The following MYH10 variants were observed in gnomAD, a reference collection of about 807,000 sequenced individuals.
MYH10 encodes the protein myosin-10.
In MYH10, 55 loss-of-function variants were observed where a neutral mutation model predicts 257.8. The observed-to-expected ratio is 0.21, with a 90% CI of 0.17 to 0.27. The LOEUF is 0.27. Among genes scored for constraint, MYH10 ranks in the 10% least tolerant of loss-of-function variants. The pLI, the probability that MYH10 is intolerant of heterozygous loss-of-function variation, is 1.00. For missense variants in MYH10, 1,631 were observed against 2,500.6 expected, an observed-to-expected ratio of 0.65 and a Z score of 7.42; for synonymous variants, 854 against 921.7, an observed-to-expected ratio of 0.93 and a Z score of 1.33.
chr17:8,495,778 G>A (rs1180637383), intron 30 of MYH10, among the ~76,000 whole-genome samples: 1 of 151,170 alleles, frequency 6.6e-6, no homozygotes, highest in Non-Finnish European at 1.5e-5. Context: ...GGTGCAATCT[G>A]GGCTCACTGC....
chr17:8,581,240 C>T (rs2083693415), intron 4 of MYH10, among the ~76,000 whole-genome samples: 1 of 152,150 alleles, frequency 6.6e-6, no homozygotes. Flanking sequence ...ATAGCTATGA[C>T]AGTGGTCTCT....
In MYH10 at chr17:8,501,107, T is replaced by C. The variant is rs530540692; in HGVS notation, c.3600-137A>G. ...TAAATACTTGATGTGCTATTTCCAG[T>C]AGGCTGGCAGGTCTATTACTGTGAT... On this transcript the variant is annotated intron_variant, in intron 28 of 42. Transcript: ENST00000360416. The C allele has an allele frequency of 3.4e-5, 32 of 949,792 alleles. No individual in the cohort carries two copies. The East Asian group carries it at 8.1e-4, about 24-fold the overall frequency. The allele number at this position is 949,792 out of a possible 1,614,324, so 58.8% of individuals were successfully genotyped here.
intron 6 of MYH10, among the ~76,000 whole-genome samples, chr17:8,574,417 T>C (rs764062549): frequency 1.1e-4 from 16 of 152,180 alleles, no homozygotes; most frequent in Non-Finnish European, 1.3e-4. Flanking sequence ...GGAGTTTCTT[T>C]TGGGGTGAGG....
intron 30 of MYH10, 76 bp from the exon 31 acceptor site, chr17:8,495,317 G>A: frequency 2.2e-6 from 2 of 910,518 alleles, no homozygotes; most frequent in Non-Finnish European, 3.5e-6. Context: ...CTTTTAAACA[G>A]AACACAGAGA....
intron 3 of MYH10, among the ~76,000 whole-genome samples, chr17:8,601,096 T>C (rs2084573237): frequency 6.6e-6 from 1 of 152,192 alleles, no homozygotes; most frequent in Non-Finnish European, 1.5e-5. Flanking sequence ...CCTAAAAAAG[T>C]GGCCCCTGCA....
chr17:8,615,699 T>C (rs1183858862), intron 2 of MYH10, among the ~76,000 whole-genome samples: 3 of 152,184 alleles, frequency 2.0e-5, no homozygotes, highest in Admixed American at 1.3e-4. Flanking sequence ...TATCATCTCA[T>C]TGAATAATGG....
chr17:8,596,753 C>A (rs768439934), intron 3 of MYH10, among the ~76,000 whole-genome samples: 53 of 151,938 alleles, frequency 3.5e-4, no homozygotes, highest in Non-Finnish European at 2.8e-4. Flanking sequence ...AAGGTGGCTG[C>A]TTGCCATTTC....
rs1185601857 is a variant in MYH10, at chr17:8,493,901, A to T, written c.4057-16T>A. 1.4e-4 allele frequency: 210 copies of T among 1,537,360 alleles called. No individual in the cohort carries two copies. The highest frequency in any genetic ancestry group is 3.0e-4 in the East Asian group (13 of 42,966). ...GAAGAAGCTCCTGTGTTTTTTTTTT[A>T]AAGGGCAACACTTCCATTACATTTA... On this transcript the variant is annotated splice_polypyrimidine_tract_variant and intron_variant, in intron 31 of 42. Transcript: ENST00000360416.
intron 2 of MYH10, among the ~76,000 whole-genome samples, chr17:8,621,458 C>G (rs145186770): frequency 6.6e-6 from 1 of 152,114 alleles, no homozygotes; most frequent in East Asian, 1.9e-4. Context: ...CAAAGCCCCC[C>G]ACACTCACAG....
At chr17:8,485,806 C>T (rs1039434584) in intron 36 of MYH10, among the ~76,000 whole-genome samples, 1 of 152,100 alleles carries the variant, frequency 6.6e-6, no homozygotes, top group Non-Finnish European at 1.5e-5. Flanking sequence ...ACCATATAAC[C>T]CAGCTCAATT....
Position 8,535,641 on chromosome 17 carries a change from TA to T in MYH10, c.1779+116del. Reference sequence around the variant, plus strand: ...TGTCTGAAAGACAATATGTTTGTAATATATACTGTATTTGTTTATAAATGTT... The same window carrying T: ...TGTCTGAAAGACAATATGTTTGTAATTATACTGTATTTGTTTATAAATGTT... On this transcript the variant is annotated intron_variant, in intron 15 of 42. Transcript: ENST00000360416. This position sits in a 1 kb window ranked among gnomAD's most constrained non-coding sequence, Gnocchi z 4.3. 8.1e-7 allele frequency: 1 copy of T among 1,238,034 alleles called. No homozygotes were observed. The highest frequency in any genetic ancestry group is 1.1e-6 in the Non-Finnish European group (1 of 879,390). The allele number at this position is 1,238,034 out of a possible 1,614,324, so 76.7% of individuals were successfully genotyped here.
At chr17:8,616,374 C>CTAAACTA in intron 2 of MYH10, among the ~76,000 whole-genome samples, 1 of 151,940 alleles carries the variant, frequency 6.6e-6, no homozygotes, top group South Asian at 2.1e-4. Context: ...GAATTTTCGG[C>CTAAACTA]TAAACTATAA....
chr17:8,583,537 T>C (rs1372670616), intron 4 of MYH10, among the ~76,000 whole-genome samples: 1 of 152,180 alleles, frequency 6.6e-6, no homozygotes, highest in Non-Finnish European at 1.5e-5. Context: ...GCTGACAATC[T>C]GATCCAGAAT....
At chr17:8,560,467 C>T (rs2082952139) in intron 7 of MYH10, 2 of 452,096 alleles carry the variant, frequency 4.4e-6, no homozygotes, top group Non-Finnish European at 8.4e-6. Context: ...CTGCCTCTAG[C>T]CATGGTCAAC....
chr17:8,603,607 A>G (rs888241343), intron 3 of MYH10, among the ~76,000 whole-genome samples: 2 of 152,142 alleles, frequency 1.3e-5, no homozygotes, highest in African/African-American at 4.8e-5. Context: ...CATATGGCAC[A>G]GTTTGCTCAC....
Position 8,553,220 on chromosome 17 carries a change from T to G in MYH10, c.820+735A>C, listed in dbSNP as rs570369440. ...TTCATTCTCCTGTCATTTTCAAGTA[T>G]TTCCAGATTTTGCTGGCTGTGAGTC... On this transcript the variant is annotated intron_variant, in intron 8 of 42. Transcript: ENST00000360416. 1.3e-3 allele frequency among the ~76,000 whole-genome samples: 200 copies of G among 152,316 alleles called. 1 individual carries two copies. Among genetic ancestry groups the G allele is most frequent in the South Asian group, 6.0e-3 (29 of 4,828 alleles).
intron 23 of MYH10, 22 bp from the exon 24 acceptor site, chr17:8,512,679 T>C: frequency 6.2e-7 from 1 of 1,602,528 alleles, no homozygotes; most frequent in Non-Finnish European, 8.5e-7. Context: ...ATAAAGTGTC[T>C]GTGATTTGCC....
At chr17:8,608,905 G>C (rs371818385) in intron 2 of MYH10, among the ~76,000 whole-genome samples, 1 of 152,172 alleles carries the variant, frequency 6.6e-6, no homozygotes, top group African/African-American at 2.4e-5. Flanking sequence ...CCGCCTCCCG[G>C]GCTGACGCCA....
intron 7 of MYH10, among the ~76,000 whole-genome samples, chr17:8,567,255 C>A (rs915696303): frequency 1.3e-5 from 2 of 152,114 alleles, no homozygotes; most frequent in African/African-American, 4.8e-5. Flanking sequence ...TCTAAACCCA[C>A]GAGTCAAGTC....
Sources: gnomAD v4.1 joint callset for allele counts (sites outside exome capture counted in the v4.1 genomes callset) on GRCh38, gnomAD v4.1.1 for gene constraint, Gnocchi (gnomAD v3.1) non-coding constraint, MANE v1.5 for transcripts, NCBI Gene and HGNC (gene_info 2026-07-23, HGNC 2026-07-21) for gene names.